SMARCA2: variants seen among roughly 807,000 people sequenced by gnomAD.
The protein encoded by SMARCA2 is SWI/SNF-related matrix-associated actin-dependent regulator of chromatin subfamily A member 2.
SMARCA2 carries 61 observed loss-of-function variants against 199.8 expected under a neutral mutation model. That is an observed-to-expected ratio of 0.31 (90% CI 0.25 to 0.38). The LOEUF is 0.38. SMARCA2 is among the 10% of genes least tolerant of loss of function. SMARCA2 has a pLI of 1.00. For synonymous variants in SMARCA2, 935 were observed against 732.0 expected, an observed-to-expected ratio of 1.28 and a Z score of -4.48; for missense variants, 1,344 against 2,012.2, an observed-to-expected ratio of 0.67 and a Z score of 6.35.
At chr9:2,157,056 A>G (rs1023518930) in intron 27 of SMARCA2, among the ~76,000 whole-genome samples, 2 of 152,218 alleles carry the variant, frequency 1.3e-5, no homozygotes, top group African/African-American at 4.8e-5. Flanking sequence ...CTGAGTCTGA[A>G]ATTCTGCATC....
In SMARCA2 at chr9:2,181,693, C is replaced by CT; in HGVS notation, c.4359+17_4359+18insT. The stretch of plus-strand genomic sequence containing the variant: ...AAAATAAAGGTAGATATTTTGTTTA[C>CT]CAACTTTATTCTTCAAGTAAATAAA... On this transcript the variant is annotated intron_variant, in intron 30 of 33. Coordinates refer to ENST00000349721, the MANE Select transcript of SMARCA2 (RefSeq NM_003070.5). 1 of 1,216,784 alleles carries CT rather than the reference C, an allele frequency of 8.2e-7. No individual in the cohort carries two copies. 75.4% of individuals were successfully genotyped at this position (1,216,784 alleles called of 1,614,324 possible).
Position 2,170,487 on chromosome 9 carries a change from T to TG in SMARCA2, c.4253+16dup. 6.2e-7 allele frequency: 1 copy of TG among 1,614,092 alleles called. No homozygotes were observed. The highest frequency in any genetic ancestry group is 8.5e-7 in the Non-Finnish European group (1 of 1,179,970). On this transcript the variant is annotated intron_variant, in intron 29 of 33. Transcript: ENST00000349721. This position sits in a 1 kb window ranked among gnomAD's most constrained non-coding sequence, Gnocchi z 4.7. Reference sequence around the variant, plus strand: ...GAAGGAAACAGGTCAGGATCTGTCTTGTATTCCCCTATCTCTAAATACAGG... The same window carrying TG: ...GAAGGAAACAGGTCAGGATCTGTCTTGGTATTCCCCTATCTCTAAATACAGG...
At chr9:2,164,511 G>T (rs886168011) in intron 28 of SMARCA2, among the ~76,000 whole-genome samples, 5 of 152,018 alleles carry the variant, frequency 3.3e-5, no homozygotes, top group Non-Finnish European at 7.4e-5. Flanking sequence ...GTGTCATCAG[G>T]GATTTAATGT....
Position 2,186,543 on chromosome 9 carries a change from G to C in SMARCA2, c.4594+315G>C, listed in dbSNP as rs544250999. Among the ~76,000 whole-genome samples the C allele has an allele frequency of 1.7e-4, 26 of 152,180 alleles. No homozygotes were observed. In the East Asian group the frequency reaches 5.0e-3, roughly 29 times the overall value. On this transcript the variant is annotated intron_variant, in intron 32 of 33. Coordinates refer to ENST00000349721, the MANE Select transcript of SMARCA2 (RefSeq NM_003070.5). ...AGACAGGGTCTCACTCTGTCACCCA[G>C]GCCGGAGTGCAGTGGCATGATCTTA...
At chr9:2,075,267 T>A (rs1821272289) in intron 12 of SMARCA2, 1 of 152,472 alleles carries the variant, frequency 6.6e-6, no homozygotes. Flanking sequence ...AAGGTTTGAT[T>A]TTTCTCCTTG....
chr9:2,096,486 G>C, intron 19 of SMARCA2, 171 bp from the exon 20 acceptor site: 1 of 545,234 alleles, frequency 1.8e-6, no homozygotes, highest in Non-Finnish European at 3.3e-6. Context: ...CTTGAACAAT[G>C]ATGACTCTGG....
Position 2,161,546 on chromosome 9 carries a change from T to G in SMARCA2, c.3982-140T>G, listed in dbSNP as rs1188259721. On this transcript the variant is annotated intron_variant, in intron 27 of 33. Transcript: ENST00000349721. The surrounding 1 kb of genome is among the most constrained non-coding windows in gnomAD (Gnocchi z 4.7). ...CCTTTTTTCTTCTTCCTCCACTGAT[T>G]ACTGTTAACTTTTACTTTTTTTTGG... The G allele has an allele frequency of 3.2e-6, 2 of 620,040 alleles. No individual in the cohort carries two copies. The highest frequency in any genetic ancestry group is 3.7e-5 in the African/African-American group (2 of 54,098). The allele number at this position is 620,040 out of a possible 1,614,324, so 38.4% of individuals were successfully genotyped here.
At chr9:2,054,994 C>T (rs1820289297) in intron 6 of SMARCA2, among the ~76,000 whole-genome samples, 1 of 152,120 alleles carries the variant, frequency 6.6e-6, no homozygotes, top group African/African-American at 2.4e-5. Context: ...CGTTTTGTTA[C>T]CATGGATGAA....
intron 27 of SMARCA2, among the ~76,000 whole-genome samples, chr9:2,156,413 A>ATTTTTT (rs1825362261): frequency 1.4e-5 from 1 of 72,612 alleles, no homozygotes; most frequent in African/African-American, 6.8e-5. Flanking sequence ...ACCATTTTAG[A>ATTTTTT]CTTTTTTTTT....
At chr9:2,096,973 A>G in intron 20 of SMARCA2, 1 of 559,956 alleles carries the variant, frequency 1.8e-6, no homozygotes, top group East Asian at 3.0e-5. Flanking sequence ...TGTTCATATT[A>G]CCAAAATAGT....
At chr9:2,148,647 C>G (rs1233029274) in intron 27 of SMARCA2, among the ~76,000 whole-genome samples, 1 of 151,188 alleles carries the variant, frequency 6.6e-6, no homozygotes, top group African/African-American at 2.4e-5. Context: ...TTTTCTGAGA[C>G]ACACGCACAT....
chr9:2,162,003 TA>T, intron 28 of SMARCA2, 100 bp downstream of exon 28: 2 of 888,348 alleles, frequency 2.3e-6, no homozygotes, highest in South Asian at 3.6e-5. Context: ...TAGGTTTTAT[TA>T]AGGTTCTTTC....
chr9:2,177,547 G>A (rs1323842669), intron 29 of SMARCA2, among the ~76,000 whole-genome samples: 4 of 152,000 alleles, frequency 2.6e-5, no homozygotes, highest in African/African-American at 4.8e-5. Context: ...CAGTATTCTA[G>A]AAGTAGATTT....
In SMARCA2 at chr9:2,170,735, C is replaced by A. The variant is rs772212503; in HGVS notation, c.4253+263C>A. ...GGGTATTGGGAGCTCCTGGAAAGCC[C>A]GCCCTAACTGCAGCATCTTGGAGAT... On this transcript the variant is annotated intron_variant, in intron 29 of 33. Transcript: ENST00000349721. This position sits in a 1 kb window ranked among gnomAD's most constrained non-coding sequence, Gnocchi z 4.7. 6.6e-6 allele frequency among the ~76,000 whole-genome samples: 1 copy of A among 152,166 alleles called. No individual in the cohort carries two copies. The highest frequency in any genetic ancestry group is 2.4e-5 in the African/African-American group (1 of 41,438).
At chr9:2,158,193 T>G (rs1586767652) in intron 27 of SMARCA2, 1 of 211,994 alleles carries the variant, frequency 4.7e-6, no homozygotes, top group South Asian at 2.0e-4. Context: ...AAGGTTGCCA[T>G]CCAGTGGAGG....
intron 24 of SMARCA2, among the ~76,000 whole-genome samples, chr9:2,111,353 G>C (rs544327933): frequency 2.4e-4 from 37 of 152,094 alleles, no homozygotes; most frequent in African/African-American, 8.7e-4. Context: ...GCTGGGCACA[G>C]TGGCACTTAT....
Position 2,016,634 on chromosome 9 carries a change from G to A in SMARCA2, c.-37+1230G>A, listed in dbSNP as rs1417534024. Among the ~76,000 whole-genome samples, 3 of 150,986 alleles carry A rather than the reference G, an allele frequency of 2.0e-5. No homozygotes were observed. The South Asian group carries it at 6.3e-4, about 32-fold the overall frequency. Reference sequence around the variant, plus strand: ...GCGCACCACCGGGCAGCGGCGGTGTGGTTCGCCCGGGAAGGGGAAGGGCTG... The same window carrying A: ...GCGCACCACCGGGCAGCGGCGGTGTAGTTCGCCCGGGAAGGGGAAGGGCTG... On this transcript the variant is annotated intron_variant, in intron 1 of 33. Transcript: ENST00000349721. This position sits in a 1 kb window ranked among gnomAD's most constrained non-coding sequence, Gnocchi z 5.6.
intron 27 of SMARCA2, among the ~76,000 whole-genome samples, chr9:2,126,494 T>C (rs1313435395): frequency 6.6e-6 from 1 of 152,232 alleles, no homozygotes; most frequent in African/African-American, 2.4e-5. Flanking sequence ...GTTAAGCTTT[T>C]TTGATGATGA....
At chr9:2,128,053 T>A (rs1823774374) in intron 27 of SMARCA2, among the ~76,000 whole-genome samples, 1 of 152,196 alleles carries the variant, frequency 6.6e-6, no homozygotes, top group Non-Finnish European at 1.5e-5. Flanking sequence ...TGGTCTCAAG[T>A]TAACGTCATC....
Sources: allele counts gnomAD v4.1 joint callset (sites outside exome capture counted in the v4.1 genomes callset), GRCh38; gene constraint gnomAD v4.1.1; non-coding constraint Gnocchi (gnomAD v3.1); transcripts MANE v1.5; gene names NCBI Gene and HGNC (gene_info 2026-07-23, HGNC 2026-07-21).